SLC2A12: variants seen among roughly 807,000 people sequenced by gnomAD.
The protein encoded by SLC2A12 is solute carrier family 2, facilitated glucose transporter member 12.
In SLC2A12, 23 loss-of-function variants were observed where a neutral mutation model predicts 41.8. The ratio of observed to expected loss-of-function variants is 0.55; its 90% confidence interval spans 0.40 to 0.78. SLC2A12 has a LOEUF of 0.78. Among genes scored for constraint, SLC2A12 ranks in the 30% least tolerant of loss-of-function variants. The pLI is 0.00. For synonymous variants in SLC2A12, 295 were observed against 285.9 expected (o/e 1.03, Z -0.32); for missense variants, 654 against 745.6 (o/e 0.88, Z 1.43).
intron 2 of SLC2A12, among the ~76,000 whole-genome samples, chr6:134,017,987 T>G (rs977462716): frequency 6.6e-6 from 1 of 152,146 alleles, no homozygotes; most frequent in Non-Finnish European, 1.5e-5. Context: ...CCCTCTGGAC[T>G]GCAGGTGACC....
At chr6:133,999,490 A>T (rs1776730673) in intron 4 of SLC2A12, among the ~76,000 whole-genome samples, 1 of 152,158 alleles carries the variant, frequency 6.6e-6, no homozygotes, top group African/African-American at 2.4e-5. Flanking sequence ...GGTCAAAGTG[A>T]TGTGTGTCTT....
At position 133,991,189 on chromosome 6, in the gene SLC2A12, C is replaced by T. The variant is rs1246052594; in HGVS notation, c.1820G>A (p.Arg607Lys). Residue 607 changes from arginine to lysine, a missense_variant, in exon 5 of 5, where the codon AGG becomes AAG. Arg to Lys is a conservative substitution (Grantham distance 26, BLOSUM62 2). Transcript: ENST00000275230. ...TGGAGAAAGCTGCCTGGATTGGCCC[C>T]TACCACACAGCTTGTTACACTCCAA... is the stretch of plus-strand genomic sequence containing the variant. ...QLLECNKLCG[R>K]GQSRQLSPET 1.2e-6 allele frequency: 2 copies of T among 1,613,882 alleles called. No individual in the cohort carries two copies. Among genetic ancestry groups the T allele is most frequent in the East Asian group, 4.5e-5 (2 of 44,884 alleles).
intron 4 of SLC2A12, among the ~76,000 whole-genome samples, chr6:133,993,909 C>T (rs1245122739): frequency 6.6e-6 from 1 of 152,088 alleles, no homozygotes; most frequent in African/African-American, 2.4e-5. Context: ...GCTGGAAGGG[C>T]ATTGGAAGGC....
At chr6:134,032,447 T>TATATATATATAA (rs1162366373) in intron 1 of SLC2A12, among the ~76,000 whole-genome samples, 5 of 33,474 alleles carry the variant, frequency 1.5e-4, no homozygotes, top group African/African-American at 6.2e-4. Context: ...TATATATATA[T>TATATATATATAA]AAATATATAT....
Position 133,987,646 on chromosome 6 carries a change from G to GTATATATATATATATATA in SLC2A12, c.*3508_*3509insTATATATATATATATATA, listed in dbSNP as rs1165164380. ...ATTTTGTGTGTGTGTGTGTGTGTGT[G>GTATATATATATATATATA]TGTATATATATATATATATATGCAC... On this transcript the variant is annotated 3_prime_UTR_variant, in exon 5 of 5. Coordinates refer to ENST00000275230, the MANE Select transcript of SLC2A12 (RefSeq NM_145176.3). 7.5e-6 allele frequency: 1 copy of GTATATATATATATATATA among 133,214 alleles called. No homozygotes were observed. Among genetic ancestry groups the GTATATATATATATATATA allele is most frequent in the African/African-American group, 2.8e-5 (1 of 36,116 alleles). The allele number at this position is 133,214 out of a possible 1,614,324, so 8.3% of individuals were successfully genotyped here. A position where few individuals can be genotyped will look rare whatever the true frequency, so the allele number is the denominator to read the frequency against.
chr6:133,990,106 G>A lies in SLC2A12; in HGVS notation c.*1049C>T, dbSNP rs1776600223. On this transcript the variant is annotated 3_prime_UTR_variant, in exon 5 of 5. Transcript: ENST00000275230. ...TGAAACCCACGTTGCTGGTACAGGT[G>A]GCCATCATAGAAAAGAACATGAGGG... is the stretch of plus-strand genomic sequence containing the variant. 1 of 152,632 alleles carries A rather than the reference G, an allele frequency of 6.6e-6. No homozygotes were observed. The highest frequency in any genetic ancestry group is 6.5e-5 in the Admixed American group (1 of 15,280). The allele number at this position is 152,632 out of a possible 1,614,324, so 9.5% of individuals were successfully genotyped here.
chr6:134,037,986 C>A (rs1777326706), intron 1 of SLC2A12, among the ~76,000 whole-genome samples: 1 of 152,136 alleles, frequency 6.6e-6, no homozygotes, highest in South Asian at 2.1e-4. Flanking sequence ...ATACTGGGTA[C>A]AAGGCTTATC....
chr6:134,000,566 T>C (rs1776743847), intron 4 of SLC2A12, among the ~76,000 whole-genome samples: 1 of 152,222 alleles, frequency 6.6e-6, no homozygotes, highest in Non-Finnish European at 1.5e-5. Context: ...TTCCTCCCAT[T>C]ATATTAAAAC....
At chr6:134,035,164 A>C (rs1159401485) in intron 1 of SLC2A12, among the ~76,000 whole-genome samples, 2 of 151,476 alleles carry the variant, frequency 1.3e-5, no homozygotes, top group Non-Finnish European at 2.9e-5. Flanking sequence ...AAAAAAAAAA[A>C]AAAAAAAAAA....
At chr6:134,018,341 T>A (rs1776993698) in intron 2 of SLC2A12, among the ~76,000 whole-genome samples, 1 of 152,206 alleles carries the variant, frequency 6.6e-6, no homozygotes, top group African/African-American at 2.4e-5. Context: ...ACAATTGCCC[T>A]GTTTTCTAGA....
rs1776604580 is a variant in SLC2A12, at chr6:133,990,397, C to T, written c.*758G>A. 6.6e-6 allele frequency: 1 copy of T among 152,556 alleles called. No homozygotes were observed. Among genetic ancestry groups the T allele is most frequent in the Non-Finnish European group, 1.5e-5 (1 of 68,028 alleles). The allele number at this position is 152,556 out of a possible 1,614,324, so 9.5% of individuals were successfully genotyped here. Reference sequence around the variant, plus strand: ...TCCTTTTCTAATGTTTTACTAACAGCTACTTCTAAATAAATATGGTCCCAG... The same window carrying T: ...TCCTTTTCTAATGTTTTACTAACAGTTACTTCTAAATAAATATGGTCCCAG... On this transcript the variant is annotated 3_prime_UTR_variant, in exon 5 of 5. Transcript: ENST00000275230.
At chr6:134,026,916 C>T (rs892507004) in intron 2 of SLC2A12, among the ~76,000 whole-genome samples, 2 of 152,158 alleles carry the variant, frequency 1.3e-5, no homozygotes, top group African/African-American at 4.8e-5. Flanking sequence ...GGAATTTGAA[C>T]AAATCAATAT....
At chr6:134,009,824 AAC>A (rs145887226) in intron 2 of SLC2A12, among the ~76,000 whole-genome samples, 25,550 of 152,120 alleles carry the variant, frequency 0.17, 2,469 homozygotes, top group South Asian at 0.28. Flanking sequence ...TAGCCTGAGC[AAC>A]AGAGTGAGAC....
chr6:134,032,876 TTA>T (rs66601147), intron 1 of SLC2A12, among the ~76,000 whole-genome samples: 7,758 of 144,704 alleles, frequency 0.054, 455 homozygotes, highest in African/African-American at 0.13. Context: ...ATTACATATA[TTA>T]TATATATAAA....
chr6:134,041,063 A>AT (rs576597610), intron 1 of SLC2A12, among the ~76,000 whole-genome samples: 65 of 151,740 alleles, frequency 4.3e-4, no homozygotes, highest in Admixed American at 1.5e-3. Flanking sequence ...GAACTTTTTA[A>AT]TTTTTTTTTC....
intron 1 of SLC2A12, among the ~76,000 whole-genome samples, chr6:134,049,884 C>T (rs141466318): frequency 3.3e-4 from 50 of 152,258 alleles, no homozygotes; most frequent in African/African-American, 1.2e-3. Flanking sequence ...GATTTAATTA[C>T]CTTGTCCTGA....
intron 1 of SLC2A12, among the ~76,000 whole-genome samples, chr6:134,030,187 C>A (rs1777184144): frequency 6.6e-6 from 1 of 152,180 alleles, no homozygotes; most frequent in Admixed American, 6.5e-5. Flanking sequence ...AGCCTCCTTG[C>A]TGGATAGCCT....
At chr6:134,013,132 A>T (rs1449272871) in intron 2 of SLC2A12, among the ~76,000 whole-genome samples, 1 of 152,106 alleles carries the variant, frequency 6.6e-6, no homozygotes, top group Non-Finnish European at 1.5e-5. Flanking sequence ...TCTCAAAAAA[A>T]CTATGACCTT....
chr6:134,035,196 C>T (rs1394799486), intron 1 of SLC2A12, among the ~76,000 whole-genome samples: 1 of 149,302 alleles, frequency 6.7e-6, no homozygotes, highest in East Asian at 2.0e-4. Context: ...TGCTTTTCAG[C>T]TGGCTGTAGG....
Sources: gnomAD v4.1 joint callset for allele counts (sites outside exome capture counted in the v4.1 genomes callset) on GRCh38, gnomAD v4.1.1 for gene constraint, MANE v1.5 for transcripts, NCBI Gene and HGNC (gene_info 2026-07-23, HGNC 2026-07-21) for gene names.